Variants in PKD2L1 observed in about 807,000 individuals in gnomAD.
PKD2L1 encodes polycystin-2-like protein 1.
PKD2L1 carries 77 observed loss-of-function variants against 93.0 expected under a neutral mutation model. The ratio of observed to expected loss-of-function variants is 0.83; its 90% CI spans 0.69 to 1.00. The LOEUF (loss-of-function observed/expected upper bound fraction) is 1.00, where lower values mean the gene tolerates loss of function less well. PKD2L1 is among the 50% of genes least tolerant of loss of function. PKD2L1 has a pLI of 0.00. For missense variants in PKD2L1, 977 were observed against 990.9 expected, an observed-to-expected ratio of 0.99 and a Z score of 0.19; for synonymous variants, 390 against 388.0, an observed-to-expected ratio of 1.01 and a Z score of -0.06.
intron 2 of PKD2L1, among the ~76,000 whole-genome samples, chr10:100,322,713 T>G (rs1298280095): frequency 6.6e-6 from 1 of 152,230 alleles, no homozygotes; most frequent in African/African-American, 2.4e-5. Context: ...TTCTCAATAC[T>G]CTGCTTCTAT....
chr10:100,311,755 A>C (rs1444726819), intron 2 of PKD2L1, among the ~76,000 whole-genome samples: 4 of 152,172 alleles, frequency 2.6e-5, no homozygotes. Context: ...CCTTCCCTCA[A>C]CTTGTTGACA....
At chr10:100,312,467 C>A (rs1389919420) in intron 2 of PKD2L1, among the ~76,000 whole-genome samples, 1 of 152,150 alleles carries the variant, frequency 6.6e-6, no homozygotes, top group Admixed American at 6.6e-5. Context: ...TGTTAGTGAT[C>A]CCCCTGAAGT....
chr10:100,289,673 C>A (rs1295493741), intron 14 of PKD2L1, among the ~76,000 whole-genome samples: 2 of 152,194 alleles, frequency 1.3e-5, no homozygotes, highest in Admixed American at 6.5e-5. Flanking sequence ...GATACTGAAT[C>A]TACTGGCACC....
Position 100,295,833 on chromosome 10 carries a change from C to T in PKD2L1, c.1356+289G>A, listed in dbSNP as rs537868998. On this transcript the variant is annotated intron_variant, in intron 7 of 15. Transcript: ENST00000318222. ...GGCAGATCACCTGAGGTTGGGAGTTCGAGACCACCCTGGCCAACATGGTGA... is the reference window on the plus strand; with the variant it reads ...GGCAGATCACCTGAGGTTGGGAGTTTGAGACCACCCTGGCCAACATGGTGA... 1.3e-4 allele frequency among the ~76,000 whole-genome samples: 20 copies of T among 149,390 alleles called. No individual in the cohort carries two copies. In the South Asian group the frequency reaches 3.2e-3, roughly 24 times the overall value.
intron 1 of PKD2L1, among the ~76,000 whole-genome samples, 195 bp from the exon 2 acceptor site, chr10:100,329,519 G>A (rs996135469): frequency 2.6e-5 from 4 of 152,180 alleles, no homozygotes; most frequent in Non-Finnish European, 5.9e-5. Context: ...AGGTCGACAG[G>A]GGTGAAGGCC....
chr10:100,329,188 A>G (rs768065779), intron 2 of PKD2L1, 23 bp downstream of exon 2: 1 of 1,611,530 alleles, frequency 6.2e-7, no homozygotes, highest in South Asian at 1.1e-5. Context: ...AGACAGATGT[A>G]CACAAACACA....
At chr10:100,300,353 C>T (rs1848647764) in intron 2 of PKD2L1, among the ~76,000 whole-genome samples, 1 of 151,902 alleles carries the variant, frequency 6.6e-6, no homozygotes, top group African/African-American at 2.4e-5. Context: ...GGAGCAATCA[C>T]CCTGTGATTC....
At chr10:100,321,350 C>G (rs1161939026) in intron 2 of PKD2L1, among the ~76,000 whole-genome samples, 2 of 151,952 alleles carry the variant, frequency 1.3e-5, no homozygotes, top group East Asian at 3.9e-4. Context: ...ATCCCAGCTA[C>G]TTGGGAGGCT....
At position 100,288,173 on chromosome 10, in the gene PKD2L1, G is replaced by T; in HGVS notation, c.*223C>A. The T allele has an allele frequency of 2.0e-6, 1 of 488,946 alleles. No homozygotes were observed. The highest frequency in any genetic ancestry group is 3.7e-6 in the Non-Finnish European group (1 of 272,268). 30.3% of individuals were successfully genotyped at this position (488,946 alleles called of 1,614,324 possible). On this transcript the variant is annotated 3_prime_UTR_variant, in exon 16 of 16. Transcript: ENST00000318222. The stretch of plus-strand genomic sequence containing the variant: ...GTTTTCCTAAGGAGTTTTATTGATA[G>T]CCACCATGGAAACCCACATGGTCTT...
Position 100,298,603 on chromosome 10 carries a change from G to T in PKD2L1, c.690C>A (p.Asp230Glu), listed in dbSNP as rs1301340356. 10 of 1,614,128 alleles carry T rather than the reference G, an allele frequency of 6.2e-6. No individual in the cohort carries two copies. The highest frequency in any genetic ancestry group is 8.5e-6 in the Non-Finnish European group (10 of 1,179,992). Residue 230 changes from aspartate (D) to glutamate (E), a missense_variant, in exon 4 of 16, where the codon GAC (aspartate) becomes GAA (glutamate). By Grantham distance (45) the Asp-to-Glu change is conservative. Transcript: ENST00000318222. ...ILSCYDVYSP[D>E]KEEQLPFGPF... ...GCCCAAAGGGGAGTTGTTCTTCTTT[G>T]TCTGGAGAGTAGACATCATAGCAGC...
At chr10:100,298,299 G>C (rs548205614) in intron 4 of PKD2L1, among the ~76,000 whole-genome samples, 3 of 152,192 alleles carry the variant, frequency 2.0e-5, no homozygotes, top group Non-Finnish European at 2.9e-5. Context: ...TACGTGCAAG[G>C]TAGGACAAGT....
At chr10:100,317,074 C>G (rs2133565370) in intron 2 of PKD2L1, among the ~76,000 whole-genome samples, 1 of 151,780 alleles carries the variant, frequency 6.6e-6, no homozygotes, top group Admixed American at 6.6e-5. Context: ...GGTGACAGAG[C>G]TGAGATTCCA....
intron 1 of PKD2L1, 54 bp from the exon 2 acceptor site, chr10:100,329,378 T>G (rs772379255): frequency 5.0e-6 from 8 of 1,613,028 alleles, no homozygotes; most frequent in Non-Finnish European, 6.8e-6. Context: ...TTCCTCCCAG[T>G]CATCCCCACC....
chr10:100,321,804 GAGGGAGGA>G (rs1490651180), intron 2 of PKD2L1, among the ~76,000 whole-genome samples: 435 of 9,018 alleles, frequency 0.048, 190 homozygotes, highest in Non-Finnish European at 0.069. Context: ...GGGAGGGAGG[GAGGGAGGA>G]AGGAAGGAAA....
intron 11 of PKD2L1, among the ~76,000 whole-genome samples, chr10:100,292,208 T>G (rs973092969): frequency 2.6e-5 from 4 of 152,106 alleles, no homozygotes; most frequent in African/African-American, 9.7e-5. Flanking sequence ...AAACAAAGAC[T>G]TTGTCCCATT....
chr10:100,323,786 A>G (rs945212710), intron 2 of PKD2L1, among the ~76,000 whole-genome samples: 15 of 152,178 alleles, frequency 9.9e-5, no homozygotes, highest in Non-Finnish European at 1.8e-4. Flanking sequence ...AGCAGCACTG[A>G]AAAGTTGTTT....
intron 2 of PKD2L1, among the ~76,000 whole-genome samples, chr10:100,315,803 T>A (rs889859231): frequency 1.3e-5 from 2 of 152,168 alleles, no homozygotes; most frequent in Non-Finnish European, 2.9e-5. Context: ...CTTAGTTGGC[T>A]GGCGCTACCT....
chr10:100,288,415 G>C lies in PKD2L1; in HGVS notation c.2399C>G (p.Pro800Arg), dbSNP rs757566820. 7.4e-6 allele frequency: 12 copies of C among 1,610,830 alleles called. No individual in the cohort carries two copies. Among genetic ancestry groups the C allele is most frequent in the African/African-American group, 6.7e-5 (5 of 74,818 alleles). ...EERRLSRGEIPTLQRS is the reference protein window; with the variant it reads ...EERRLSRGEIRTLQRS ...TCACACTTAACTCCTCTGCAACGTT[G>C]GAATCTCACCACGGGAGAGTCTCCT... The change falls in exon 16 of 16, where the codon CCA becomes CGA. Residue 800 changes from proline (P) to arginine (R), a missense_variant. Physicochemically the swap from Pro to Arg is moderately radical, Grantham distance 103. Transcript: ENST00000318222.
At chr10:100,320,646 A>G (rs1363746022) in intron 2 of PKD2L1, among the ~76,000 whole-genome samples, 1 of 152,246 alleles carries the variant, frequency 6.6e-6, no homozygotes. Context: ...GATACACATT[A>G]TAAATTAAAG....
Sources: gnomAD v4.1 joint callset for allele counts (sites outside exome capture counted in the v4.1 genomes callset) on GRCh38, gnomAD v4.1.1 for gene constraint, MANE v1.5 for transcripts, NCBI Gene and HGNC (gene_info 2026-07-23, HGNC 2026-07-21) for gene names.